Variants in NHLH2 observed in about 807,000 individuals in gnomAD.
NHLH2 encodes the protein nescient helix-loop-helix 2.
A neutral mutation model predicts 7.3 loss-of-function variants in NHLH2; 7 were observed. The ratio of observed to expected loss-of-function variants is 0.96; its 90% CI spans 0.55 to 1.81. The LOEUF (loss-of-function observed/expected upper bound fraction) is 1.81, where lower values mean the gene tolerates loss of function less well. Among genes scored for constraint, NHLH2 ranks in the 40% most tolerant of loss-of-function variants. The pLI, the probability that NHLH2 is intolerant of heterozygous loss-of-function variation, is 0.00. For synonymous variants in NHLH2, 93 were observed against 91.6 expected (o/e 1.01, Z -0.09); for missense variants, 155 against 194.0 (o/e 0.80, Z 1.19).
At chr1:115,833,379 G>T (rs1650795345), downstream of NHLH2, among the ~76,000 whole-genome samples, 1 of 152,190 alleles carries the variant, frequency 6.6e-6, no homozygotes, top group Non-Finnish European at 1.5e-5. Context: ...GGTCCCATTG[G>T]TTGGGCAGCT....
chr1:115,833,339 C>T (rs1246333401), downstream of NHLH2, among the ~76,000 whole-genome samples: 2 of 152,222 alleles, frequency 1.3e-5, no homozygotes, highest in African/African-American at 2.4e-5. Context: ...ACTTGGCATA[C>T]AGAGCACAGG....
rs1235091647 is a variant in NHLH2 at position 115,838,361 on chromosome 1, A to G, written c.12T>C (p.Ser4=). ...GGTCCGAATCTGCTGCTTGGTCCGG[A>G]CTCAGCATCATTTTGGAGGCTGAGG... The part of the protein sequence containing the change: MML[S]PDQAADSDHP... Residue 4 remains serine (S), a synonymous_variant, in exon 3 of 3, where the codon AGT becomes AGC. Coordinates refer to ENST00000320238, the MANE Select transcript of NHLH2 (RefSeq NM_005599.3). The G allele has an allele frequency of 1.9e-6, 3 of 1,608,800 alleles. No homozygotes were observed. Among genetic ancestry groups the G allele is most frequent in the East Asian group, 2.2e-5 (1 of 44,674 alleles).
downstream of NHLH2, among the ~76,000 whole-genome samples, chr1:115,831,682 G>C (rs1424238010): frequency 1.1e-4 from 1 of 9,066 alleles, no homozygotes. Context: ...ACTTTGAAAG[G>C]CCTAGGGGGG....
chr1:115,840,751 T>TTTA (rs1331594479), intron 1 of NHLH2, 197 bp downstream of exon 1: 1 of 159,926 alleles, frequency 6.3e-6, no homozygotes, highest in East Asian at 1.9e-4. Context: ...TGATTTTTTT[T>TTTA]TTTTTTTTGA....
intron 2 of NHLH2, 177 bp from the exon 3 acceptor site, chr1:115,838,557 AG>A: frequency 1.7e-6 from 1 of 591,846 alleles, no homozygotes; most frequent in Non-Finnish European, 2.8e-6. Context: ...CGAGGGCGCG[AG>A]CCCTGCGCCT....
chr1:115,835,239 C>G (rs922596464), downstream of NHLH2, among the ~76,000 whole-genome samples: 8 of 152,210 alleles, frequency 5.3e-5, no homozygotes, highest in African/African-American at 1.7e-4. Context: ...CTGGGAAAGA[C>G]AGGCACTTGG....
chr1:115,836,811 A>AT lies in NHLH2; in HGVS notation c.*1153dup, dbSNP rs1308934109. The AT allele has an allele frequency of 1.6e-4, 25 of 152,282 alleles. No individual in the cohort carries two copies. Among genetic ancestry groups the AT allele is most frequent in the Non-Finnish European group, 2.6e-4 (18 of 68,008 alleles). The allele number at this position is 152,282 out of a possible 1,614,324, so 9.4% of individuals were successfully genotyped here. A position where few individuals can be genotyped will look rare whatever the true frequency, so the allele number is the denominator to read the frequency against. Reference sequence around the variant, plus strand: ...TCAGACATAACTACAGATAAGAATAATACACTTTTTAAAAAACTATAATAG... The same window carrying AT: ...TCAGACATAACTACAGATAAGAATAATTACACTTTTTAAAAAACTATAATAG... On this transcript the variant is annotated 3_prime_UTR_variant, in exon 3 of 3. Transcript: ENST00000320238.
chr1:115,835,969 A>T (rs945579248), downstream of NHLH2, among the ~76,000 whole-genome samples: 8 of 152,162 alleles, frequency 5.3e-5, no homozygotes, highest in African/African-American at 1.9e-4. Context: ...GAGTCATCAC[A>T]TCAGGGATCT....
In NHLH2 at chr1:115,836,687, T is replaced by C. The variant is rs565652177; in HGVS notation, c.*1278A>G. The C allele has an allele frequency of 1.3e-5, 2 of 152,518 alleles. No homozygotes were observed. The highest frequency in any genetic ancestry group is 2.9e-5 in the Non-Finnish European group (2 of 68,006). 9.4% of individuals were successfully genotyped at this position (152,518 alleles called of 1,614,324 possible). ...AGTTCTGAATTCTTTTTTTCTTTTT[T>C]TTTTAGGAAAATAACTTAATTTGCT... On this transcript the variant is annotated 3_prime_UTR_variant, in exon 3 of 3. Transcript: ENST00000320238.
In NHLH2 at chr1:115,837,860, C is replaced by CA; in HGVS notation, c.*104_*105insT. 7.9e-7 allele frequency: 1 copy of CA among 1,270,646 alleles called. No individual in the cohort carries two copies. Among genetic ancestry groups the CA allele is most frequent in the Non-Finnish European group, 1.1e-6 (1 of 943,928 alleles). The allele number at this position is 1,270,646 out of a possible 1,614,324, so 78.7% of individuals were successfully genotyped here. ...CCCGGCCGTCTCTCGAGGCGGCCGT[C>CA]TCGCTGGGCCACCGCAGCCTCCGCC... On this transcript the variant is annotated 3_prime_UTR_variant, in exon 3 of 3. Transcript: ENST00000320238.
chr1:115,838,290 T>A lies in NHLH2; in HGVS notation c.83A>T (p.Asp28Val), dbSNP rs371217803. The A allele has an allele frequency of 1.2e-6, 2 of 1,607,960 alleles. No individual in the cohort carries two copies. Among genetic ancestry groups the A allele is most frequent in the Non-Finnish European group, 1.7e-6 (2 of 1,178,854 alleles). ...CGACACGCTGCCGAGCACCTTGGTG[T>A]CCGTGCCGCCCAGGGACTCCGGATC... ...HSDPESLGGT[D>V]TKVLGSVSDL... Residue 28 changes from aspartate (D) to valine (V), a missense_variant, in exon 3 of 3, where the codon GAC becomes GTC. Coordinates refer to ENST00000320238, the MANE Select transcript of NHLH2 (RefSeq NM_005599.3).
chr1:115,834,634 G>A (rs1650823086), downstream of NHLH2, among the ~76,000 whole-genome samples: 1 of 152,176 alleles, frequency 6.6e-6, no homozygotes, highest in South Asian at 2.1e-4. Context: ...TTCTCCAACA[G>A]CCCTCTCTAA....
In NHLH2 at chr1:115,838,068, T is replaced by G. The variant is rs781142041; in HGVS notation, c.305A>C (p.Lys102Thr). 2 of 1,609,458 alleles carry G rather than the reference T, an allele frequency of 1.2e-6. No homozygotes were observed. Among genetic ancestry groups the G allele is most frequent in the South Asian group, 2.2e-5 (2 of 90,822 alleles). Reference sequence around the variant, plus strand: ...GTCCGGGGGCAGCGTGGGCAGCAATTTGCGGAGCTCGGCGAAGGCCAAGTT... The same window carrying G: ...GTCCGGGGGCAGCGTGGGCAGCAATGTGCGGAGCTCGGCGAAGGCCAAGTT... Reference protein sequence around the residue: ...AFNLAFAELRKLLPTLPPDKK... With the variant: ...AFNLAFAELRTLLPTLPPDKK... Residue 102 changes from lysine to threonine, a missense_variant, in exon 3 of 3, where the codon AAA becomes ACA. Coordinates refer to ENST00000320238, the MANE Select transcript of NHLH2 (RefSeq NM_005599.3).
intron 2 of NHLH2, chr1:115,839,371 C>G (rs529384163): frequency 6.0e-6 from 1 of 166,702 alleles, no homozygotes; most frequent in African/African-American, 2.4e-5. Flanking sequence ...CGGGCGCTCC[C>G]GGAACCGGAG....
At chr1:115,838,486 C>G (rs920682619) in intron 2 of NHLH2, 106 bp from the exon 3 acceptor site, 16 of 1,323,520 alleles carry the variant, frequency 1.2e-5, no homozygotes, top group Admixed American at 6.0e-5. Flanking sequence ...ACGCGCGGCC[C>G]GGGCCCCCTC....
In NHLH2 at chr1:115,836,812, T is replaced by C. The variant is rs1650882840; in HGVS notation, c.*1153A>G. ...CAGACATAACTACAGATAAGAATAA[T>C]ACACTTTTTAAAAAACTATAATAGT... On this transcript the variant is annotated 3_prime_UTR_variant, in exon 3 of 3. Coordinates refer to ENST00000320238, the MANE Select transcript of NHLH2 (RefSeq NM_005599.3). 1 of 152,054 alleles carries C rather than the reference T, an allele frequency of 6.6e-6. No individual in the cohort carries two copies. The allele number at this position is 152,054 out of a possible 1,614,324, so 9.4% of individuals were successfully genotyped here.
In NHLH2 at chr1:115,838,492, C is replaced by T. The variant is rs1316071826; in HGVS notation, c.-8-112G>A. 1.3e-5 allele frequency: 17 copies of T among 1,279,366 alleles called. No homozygotes were observed. In the Admixed American group the frequency reaches 2.8e-4, roughly 21 times the overall value. 79.3% of individuals were successfully genotyped at this position (1,279,366 alleles called of 1,614,324 possible). On this transcript the variant is annotated intron_variant, in intron 2 of 2. Transcript: ENST00000320238. Reference sequence around the variant, plus strand: ...TCCCAGCGGACGCGCGGCCCGGGCCCCCTCCCCACAGCAGGCCGGCGCGCG... The same window carrying T: ...TCCCAGCGGACGCGCGGCCCGGGCCTCCTCCCCACAGCAGGCCGGCGCGCG...
intron 2 of NHLH2, 90 bp downstream of exon 2, chr1:115,840,126 A>C (rs757247186): frequency 2.4e-5 from 4 of 166,978 alleles, no homozygotes; most frequent in Non-Finnish European, 5.9e-5. Flanking sequence ...TATGCGTTTT[A>C]TCTCTTTATG....
downstream of NHLH2, among the ~76,000 whole-genome samples, chr1:115,832,728 T>C (rs953969874): frequency 2.6e-5 from 4 of 152,108 alleles, no homozygotes; most frequent in African/African-American, 9.7e-5. Context: ...GTTAAAACGA[T>C]GTATGTATGT....
Sources: gnomAD v4.1 joint callset for allele counts (sites outside exome capture counted in the v4.1 genomes callset) on GRCh38, gnomAD v4.1.1 for gene constraint, MANE v1.5 for transcripts, NCBI Gene and HGNC (gene_info 2026-07-23, HGNC 2026-07-21) for gene names.